GTF2IRD1: variants seen among roughly 807,000 people sequenced by gnomAD.
GTF2IRD1 encodes the protein GTF2I repeat domain containing 1, also known as general transcription factor II-I repeat domain-containing protein 1.
GTF2IRD1 carries 26 observed loss-of-function variants against 113.2 expected under a neutral mutation model. The ratio of observed to expected loss-of-function variants is 0.23; its 90% CI spans 0.17 to 0.32. The LOEUF is 0.32. Ranked by LOEUF, GTF2IRD1 falls within the 10% of genes least tolerant of loss-of-function variation. The pLI, the probability that GTF2IRD1 is intolerant of heterozygous loss-of-function variation, is 1.00. For synonymous variants in GTF2IRD1, 484 were observed against 529.1 expected, an observed-to-expected ratio of 0.91 and a Z score of 1.17; for missense variants, 864 against 1,280.8, an observed-to-expected ratio of 0.67 and a Z score of 4.97.
intron 13 of GTF2IRD1, among the ~76,000 whole-genome samples, 198 bp downstream of exon 13, chr7:74,538,958 C>T (rs1254722649): frequency 1.3e-5 from 2 of 152,218 alleles, no homozygotes; most frequent in African/African-American, 4.8e-5. Flanking sequence ...CAGCTCTGAC[C>T]TTCCAGAAGG....
chr7:74,558,061 C>G (rs1276224861), intron 20 of GTF2IRD1, among the ~76,000 whole-genome samples: 1 of 151,920 alleles, frequency 6.6e-6, no homozygotes, highest in Non-Finnish European at 1.5e-5. Context: ...ATCACTTGAG[C>G]TCAGGAGTTC....
intron 22 of GTF2IRD1, among the ~76,000 whole-genome samples, chr7:74,569,132 C>T (rs181481994): frequency 6.6e-5 from 10 of 152,312 alleles, no homozygotes; most frequent in African/African-American, 2.4e-4. Context: ...TCTCCTCTGC[C>T]TGCCACACAT....
chr7:74,574,438 C>A (rs587769519), intron 22 of GTF2IRD1, among the ~76,000 whole-genome samples: 1 of 151,080 alleles, frequency 6.6e-6, no homozygotes, highest in Non-Finnish European at 1.5e-5. Context: ...GCCACTACAC[C>A]GGGCCTAGAT....
At chr7:74,533,738 G>C (rs782443535) in intron 9 of GTF2IRD1, among the ~76,000 whole-genome samples, 2 of 152,164 alleles carry the variant, frequency 1.3e-5, no homozygotes, top group South Asian at 4.2e-4. Context: ...AGACACCTGT[G>C]AAGGGTCCCA....
In GTF2IRD1 at chr7:74,518,325, G is replaced by C; in HGVS notation, c.605+3G>C. 1 of 1,579,700 alleles carries C rather than the reference G, an allele frequency of 6.3e-7. No homozygotes were observed. Among genetic ancestry groups the C allele is most frequent in the Non-Finnish European group, 8.7e-7 (1 of 1,155,586 alleles). On this transcript the variant is annotated splice_donor_region_variant and intron_variant, in intron 5 of 26. Coordinates refer to ENST00000424337, the MANE Select transcript of GTF2IRD1 (RefSeq NM_005685.4). ...CGCATCCGCTTCAAGCTCAAGAGGT[G>C]AGTGAGGTAGCCGGCCCGGGGCTGG...
At chr7:74,464,430 TTTG>T (rs141667972) in intron 1 of GTF2IRD1, among the ~76,000 whole-genome samples, 72,931 of 151,530 alleles carry the variant, frequency 0.48, 17,961 homozygotes, top group East Asian at 0.74. Context: ...GGGTTTTTAC[TTTG>T]TTGTTTTTGT....
At chr7:74,577,204 AT>A (rs1801126619) in intron 22 of GTF2IRD1, among the ~76,000 whole-genome samples, 1 of 151,928 alleles carries the variant, frequency 6.6e-6, no homozygotes, top group African/African-American at 2.4e-5. Context: ...ATCCCAGCTA[AT>A]TTTTTGTATT....
At chr7:74,564,431 C>T (rs1337457523) in intron 22 of GTF2IRD1, among the ~76,000 whole-genome samples, 1 of 152,164 alleles carries the variant, frequency 6.6e-6, no homozygotes, top group Admixed American at 6.6e-5. Flanking sequence ...ACAGCCACTC[C>T]TGGACTGGTT....
chr7:74,491,816 T>A (rs1476824802), intron 1 of GTF2IRD1, among the ~76,000 whole-genome samples: 1 of 152,192 alleles, frequency 6.6e-6, no homozygotes, highest in Non-Finnish European at 1.5e-5. Flanking sequence ...TATTGTAGAA[T>A]GATTTCTATT....
intron 22 of GTF2IRD1, among the ~76,000 whole-genome samples, chr7:74,567,555 A>G (rs1193903304): frequency 6.6e-6 from 1 of 152,084 alleles, no homozygotes; most frequent in Non-Finnish European, 1.5e-5. Flanking sequence ...TCAAGAGACA[A>G]TGAGAAAGGC....
chr7:74,496,796 G>A (rs1795760609), intron 1 of GTF2IRD1, among the ~76,000 whole-genome samples: 1 of 152,020 alleles, frequency 6.6e-6, no homozygotes, highest in Non-Finnish European at 1.5e-5. Context: ...TCTAGTCTTA[G>A]GAACGACACT....
At chr7:74,562,820 G>C (rs1800061768) in intron 22 of GTF2IRD1, among the ~76,000 whole-genome samples, 1 of 152,060 alleles carries the variant, frequency 6.6e-6, no homozygotes, top group South Asian at 2.1e-4. Context: ...AGCCTCAAGT[G>C]ATCCGCCCAT....
intron 2 of GTF2IRD1, among the ~76,000 whole-genome samples, chr7:74,510,169 T>A (rs997470306): frequency 1.3e-5 from 2 of 151,810 alleles, no homozygotes; most frequent in African/African-American, 4.8e-5. Flanking sequence ...CTATGCAGAG[T>A]GACTTTCATG....
chr7:74,601,272 G>C lies in GTF2IRD1; in HGVS notation c.2766+92G>C, dbSNP rs781809689. The C allele has an allele frequency of 3.2e-6, 5 of 1,549,814 alleles. No individual in the cohort carries two copies. The African/African-American group carries it at 5.5e-5, about 17-fold the overall frequency. On this transcript the variant is annotated intron_variant, in intron 26 of 26. Transcript: ENST00000424337. The stretch of plus-strand genomic sequence containing the variant: ...CCGTCTACTCTGGGATGTGGGCCCA[G>C]GGGACGGGGAGGCACTGGGCTTTGA...
At chr7:74,473,428 C>CTT (rs1217283077) in intron 1 of GTF2IRD1, among the ~76,000 whole-genome samples, 1 of 141,596 alleles carries the variant, frequency 7.1e-6, no homozygotes, top group Non-Finnish European at 1.5e-5. Flanking sequence ...CAGCTCAGGG[C>CTT]TTTTTTTTTT....
At chr7:74,466,601 G>A (rs1404601752) in intron 1 of GTF2IRD1, among the ~76,000 whole-genome samples, 1 of 152,144 alleles carries the variant, frequency 6.6e-6, no homozygotes, top group African/African-American at 2.4e-5. Context: ...CTGTGTCCCT[G>A]GGCTGATTTC....
chr7:74,561,866 G>A (rs747829064), intron 22 of GTF2IRD1, among the ~76,000 whole-genome samples: 5 of 152,134 alleles, frequency 3.3e-5, no homozygotes, highest in Non-Finnish European at 7.4e-5. Context: ...TGACGCTAGA[G>A]CCCACCTTAC....
chr7:74,559,224 G>C (rs1219404617), intron 21 of GTF2IRD1, among the ~76,000 whole-genome samples, 180 bp downstream of exon 21: 4 of 152,164 alleles, frequency 2.6e-5, no homozygotes, highest in African/African-American at 4.8e-5. Flanking sequence ...CAAGTGAAGG[G>C]AGCCCTTCAG....
intron 1 of GTF2IRD1, among the ~76,000 whole-genome samples, chr7:74,485,079 C>T (rs1290979569): frequency 6.6e-6 from 1 of 152,110 alleles, no homozygotes; most frequent in African/African-American, 2.4e-5. Flanking sequence ...TGCCACCTCC[C>T]GACACCTCTG....
Sources: allele counts gnomAD v4.1 joint callset (sites outside exome capture counted in the v4.1 genomes callset), GRCh38; gene constraint gnomAD v4.1.1; transcripts MANE v1.5; gene names NCBI Gene and HGNC (gene_info 2026-07-23, HGNC 2026-07-21).